The following SDHC variants were observed in gnomAD, a reference collection of about 807,000 sequenced individuals.
The protein encoded by SDHC is succinate dehydrogenase cytochrome b560 subunit, mitochondrial.
A neutral mutation model predicts 22.6 loss-of-function variants in SDHC; 11 were observed. The observed-to-expected ratio is 0.49, with a 90% CI of 0.31 to 0.81. SDHC has a LOEUF of 0.81. Among genes scored for constraint, SDHC ranks in the 30% least tolerant of loss-of-function variants. The pLI is 0.05. For missense variants in SDHC, 160 were observed against 212.0 expected (o/e 0.75, Z 1.52); for synonymous variants, 80 against 77.8 (o/e 1.03, Z -0.15).
At chr1:161,349,057 C>T (rs1184755113) in intron 4 of SDHC, among the ~76,000 whole-genome samples, 1 of 152,110 alleles carries the variant, frequency 6.6e-6, no homozygotes. Context: ...TACTAAACAA[C>T]AGATATTTTA....
At chr1:161,320,086 G>C (rs963337015) in intron 1 of SDHC, among the ~76,000 whole-genome samples, 2 of 152,144 alleles carry the variant, frequency 1.3e-5, no homozygotes, top group Admixed American at 1.3e-4. Context: ...TGATATGTAA[G>C]AGATTGGTGC....
chr1:161,343,890 G>A (rs547256356), intron 4 of SDHC, among the ~76,000 whole-genome samples: 1 of 152,062 alleles, frequency 6.6e-6, no homozygotes, highest in Non-Finnish European at 1.5e-5. Flanking sequence ...TTGTATTCAT[G>A]GCTAAAATTG....
intron 1 of SDHC, among the ~76,000 whole-genome samples, chr1:161,320,828 A>ATTTTT (rs71270444): frequency 0.2 from 25,419 of 126,888 alleles, 3,202 homozygotes; most frequent in African/African-American, 0.27. Flanking sequence ...TTCAGTCTTG[A>ATTTTT]TTTTTTTTTT....
chr1:161,362,269 A>G (rs2102384431), intron 5 of SDHC, 60 bp from the exon 6 acceptor site: 1 of 1,564,616 alleles, frequency 6.4e-7, no homozygotes, highest in Non-Finnish European at 8.7e-7. Flanking sequence ...TTTCTGAGAC[A>G]GGAACTGTTA....
At chr1:161,328,283 T>C (rs1671140343) in intron 2 of SDHC, 113 bp from the exon 3 acceptor site, 1 of 868,016 alleles carries the variant, frequency 1.2e-6, no homozygotes, top group African/African-American at 1.7e-5. Flanking sequence ...ATTACAGGCC[T>C]GAGCAACCAT....
chr1:161,347,558 G>C (rs574549751), intron 4 of SDHC, among the ~76,000 whole-genome samples: 1 of 150,656 alleles, frequency 6.6e-6, no homozygotes, highest in Admixed American at 6.6e-5. Flanking sequence ...CCCGGCTGAG[G>C]TCTGTTTCTT....
At chr1:161,328,541 G>A (rs777544911) in intron 3 of SDHC, 44 bp downstream of exon 3, 9 of 1,359,230 alleles carry the variant, frequency 6.6e-6, no homozygotes, top group Non-Finnish European at 9.5e-6. Context: ...GGTAGTGGGT[G>A]AAAGTTCTGA....
chr1:161,324,241 C>A (rs1396067221), intron 2 of SDHC, among the ~76,000 whole-genome samples: 1 of 152,014 alleles, frequency 6.6e-6, no homozygotes, highest in Non-Finnish European at 1.5e-5. Context: ...GTAGCTGGGA[C>A]CACAAGCATG....
At chr1:161,333,401 C>CTTTTTTTTTTTTTTTTTTTTTTATT (rs71581410) in intron 3 of SDHC, among the ~76,000 whole-genome samples, 1 of 130,422 alleles carries the variant, frequency 7.7e-6, no homozygotes, top group Non-Finnish European at 1.6e-5. Flanking sequence ...CTATGTTTAA[C>CTTTTTTTTTTTTTTTTTTTTTTATT]TTTTTTTTTT....
chr1:161,315,653 A>G (rs1670581234), intron 1 of SDHC, among the ~76,000 whole-genome samples: 1 of 152,210 alleles, frequency 6.6e-6, no homozygotes, highest in Non-Finnish European at 1.5e-5. Flanking sequence ...GAGGATCATT[A>G]TAGTCATTAA....
Position 161,363,120 on chromosome 1 carries a change from T to G in SDHC, c.*687T>G, listed in dbSNP as rs1672595793. On this transcript the variant is annotated 3_prime_UTR_variant, in exon 6 of 6. Transcript: ENST00000367975. ...TTCTTGGATTTCCAGAAAAGCCTCTTAATTTTATGCTTTCTCATCGAAGTA... is the reference window on the plus strand; with the variant it reads ...TTCTTGGATTTCCAGAAAAGCCTCTGAATTTTATGCTTTCTCATCGAAGTA... The G allele has an allele frequency of 4.3e-6, 1 of 234,932 alleles. No homozygotes were observed. The highest frequency in any genetic ancestry group is 2.2e-5 in the African/African-American group (1 of 45,342). The allele number at this position is 234,932 out of a possible 1,614,324, so 14.6% of individuals were successfully genotyped here. A position where few individuals can be genotyped will look rare whatever the true frequency, so the allele number is the denominator to read the frequency against.
At chr1:161,330,644 C>T (rs1332790914) in intron 3 of SDHC, among the ~76,000 whole-genome samples, 1 of 152,124 alleles carries the variant, frequency 6.6e-6, no homozygotes, top group Non-Finnish European at 1.5e-5. Flanking sequence ...GTCTTCTTTT[C>T]ATCTTCTCTC....
chr1:161,352,734 G>T (rs1360975193), intron 4 of SDHC, among the ~76,000 whole-genome samples: 1 of 152,202 alleles, frequency 6.6e-6, no homozygotes, highest in Non-Finnish European at 1.5e-5. Flanking sequence ...GAGGTGGGTG[G>T]GAGGCCAAGG....
At position 161,340,601 on chromosome 1, in the gene SDHC, C is replaced by T. The variant is rs2102336071; in HGVS notation, c.187C>T (p.Leu63Phe). Residue 63 changes from leucine to phenylalanine, a missense_variant, in exon 4 of 6, where the codon CTT (leucine) becomes TTT (phenylalanine). Physicochemically the swap from Leu to Phe is conservative, Grantham distance 22. Coordinates refer to ENST00000367975, the MANE Select transcript of SDHC (RefSeq NM_003001.5). ...TTGTGTGTTTCTTTACAGTTGGTCT[C>T]TTCCCATGGCGATGTCCATCTGCCA... ...SPHITIYSWS[L>F]PMAMSICHRG... The T allele has an allele frequency of 1.9e-6, 3 of 1,613,794 alleles. No individual in the cohort carries two copies. Among genetic ancestry groups the T allele is most frequent in the South Asian group, 1.1e-5 (1 of 91,082 alleles).
intron 3 of SDHC, among the ~76,000 whole-genome samples, chr1:161,332,636 CT>C (rs36047860): frequency 1.6e-3 from 225 of 137,128 alleles, no homozygotes; most frequent in Middle Eastern, 3.7e-3. Flanking sequence ...CTTTTTCTTT[CT>C]TTTTTTTTTT....
chr1:161,325,754 C>T (rs1671025021), intron 2 of SDHC, among the ~76,000 whole-genome samples: 1 of 152,122 alleles, frequency 6.6e-6, no homozygotes, highest in Non-Finnish European at 1.5e-5. Flanking sequence ...TCTTGAAAAG[C>T]CAGATGAGAG....
At chr1:161,315,650 A>G (rs1000667303) in intron 1 of SDHC, among the ~76,000 whole-genome samples, 1 of 152,204 alleles carries the variant, frequency 6.6e-6, no homozygotes, top group Admixed American at 6.5e-5. Flanking sequence ...GCTGAGGATC[A>G]TTATAGTCAT....
chr1:161,332,033 AGTG>A (rs1468773231), intron 3 of SDHC, among the ~76,000 whole-genome samples: 1 of 151,920 alleles, frequency 6.6e-6, no homozygotes, highest in Non-Finnish European at 1.5e-5. Flanking sequence ...GGAGTGTAGT[AGTG>A]GTGTGATCAT....
chr1:161,356,549 G>T, intron 4 of SDHC, 128 bp from the exon 5 acceptor site: 1 of 1,045,752 alleles, frequency 9.6e-7, no homozygotes. Flanking sequence ...AAGAAAAAAA[G>T]AAAACAAAAA....
Sources: gnomAD v4.1 joint callset for allele counts (sites outside exome capture counted in the v4.1 genomes callset) on GRCh38, gnomAD v4.1.1 for gene constraint, MANE v1.5 for transcripts, NCBI Gene and HGNC (gene_info 2026-07-23, HGNC 2026-07-21) for gene names.